RIMS1: variants seen among roughly 807,000 people sequenced by gnomAD.
The protein encoded by RIMS1 is regulating synaptic membrane exocytosis protein 1.
RIMS1 carries 83 observed loss-of-function variants against 214.1 expected under a neutral mutation model. That is an observed-to-expected ratio of 0.39 (90% CI 0.32 to 0.47). The LOEUF (loss-of-function observed/expected upper bound fraction) is 0.47, where lower values mean the gene tolerates loss of function less well. Ranked by LOEUF, RIMS1 falls within the 20% of genes least tolerant of loss-of-function variation. The pLI, the probability that RIMS1 is intolerant of heterozygous loss-of-function variation, is 0.99. For synonymous variants in RIMS1, 793 were observed against 786.8 expected, an observed-to-expected ratio of 1.01 and a Z score of -0.13; for missense variants, 2,050 against 2,161.8, an observed-to-expected ratio of 0.95 and a Z score of 1.03.
chr6:72,330,491 G>T (rs1331076333), intron 28 of RIMS1, among the ~76,000 whole-genome samples: 1 of 151,592 alleles, frequency 6.6e-6, no homozygotes, highest in Non-Finnish European at 1.5e-5. Context: ...TATTCATTCA[G>T]CAATGGGAAG....
In RIMS1 at chr6:72,159,794, C is replaced by T. The variant is rs1264160753; in HGVS notation, c.472-19781C>T. ...ACCATGCTGTTTTGGTTATTGTAGC[C>T]TTGAAGTATAGTTTGAAGTCAGGTA... On this transcript the variant is annotated intron_variant, in intron 4 of 33. Coordinates refer to ENST00000521978, the MANE Select transcript of RIMS1 (RefSeq NM_014989.7). 3.1e-4 allele frequency among the ~76,000 whole-genome samples: 43 copies of T among 139,790 alleles called. 6 individuals are homozygous for T. In the Admixed American group the frequency reaches 3.1e-3, roughly 10 times the overall value. The allele number at this position is 139,790 out of a possible 152,430, so 91.7% of individuals were successfully genotyped here. A position where few individuals can be genotyped will look rare whatever the true frequency, so the allele number is the denominator to read the frequency against.
intron 24 of RIMS1, among the ~76,000 whole-genome samples, chr6:72,289,577 C>A (rs952669077): frequency 3.9e-5 from 6 of 152,108 alleles, no homozygotes; most frequent in Non-Finnish European, 8.8e-5. Context: ...TTATCTTCAA[C>A]CTGACATTTT....
intron 4 of RIMS1, among the ~76,000 whole-genome samples, chr6:72,144,327 T>G (rs2042434988): frequency 1.3e-5 from 2 of 152,220 alleles, no homozygotes; most frequent in Non-Finnish European, 2.9e-5. Context: ...TAACATCTAC[T>G]TAACTTCTTG....
chr6:72,166,003 A>G (rs2153944176), intron 4 of RIMS1, among the ~76,000 whole-genome samples: 1 of 152,322 alleles, frequency 6.6e-6, no homozygotes, highest in East Asian at 1.9e-4. Flanking sequence ...CCATAACAAA[A>G]TACCATAAGC....
chr6:71,898,283 T>G (rs1329200904), intron 1 of RIMS1, among the ~76,000 whole-genome samples: 1 of 152,174 alleles, frequency 6.6e-6, no homozygotes, highest in African/African-American at 2.4e-5. Flanking sequence ...GATTTGATAT[T>G]TAGAATTAGA....
Position 72,402,669 on chromosome 6 carries a change from A to G in RIMS1, c.*1955A>G, listed in dbSNP as rs1335008079. 1 of 152,674 alleles carries G rather than the reference A, an allele frequency of 6.5e-6. No homozygotes were observed. The highest frequency in any genetic ancestry group is 1.5e-5 in the Non-Finnish European group (1 of 68,052). The allele number at this position is 152,674 out of a possible 1,614,324, so 9.5% of individuals were successfully genotyped here. A position where few individuals can be genotyped will look rare whatever the true frequency, so the allele number is the denominator to read the frequency against. On this transcript the variant is annotated 3_prime_UTR_variant, in exon 34 of 34. Coordinates refer to ENST00000521978, the MANE Select transcript of RIMS1 (RefSeq NM_014989.7). ...CTTCTACTAGATTCCGTTCTGTCTT[A>G]GTGGCCAACAATCAACTGATTATAA...
chr6:72,173,464 ATCTC>A (rs760110931), intron 4 of RIMS1, among the ~76,000 whole-genome samples: 3 of 149,762 alleles, frequency 2.0e-5, no homozygotes, highest in Non-Finnish European at 4.5e-5. Flanking sequence ...CATGTGTTTT[ATCTC>A]TCTAACGTTT....
At chr6:72,289,085 A>T (rs1268771605) in intron 24 of RIMS1, among the ~76,000 whole-genome samples, 2 of 152,110 alleles carry the variant, frequency 1.3e-5, no homozygotes, top group Admixed American at 1.3e-4. Context: ...GTTCACCGAA[A>T]TTTTTTACAT....
intron 2 of RIMS1, among the ~76,000 whole-genome samples, chr6:71,994,136 C>T (rs1802697021): frequency 1.3e-5 from 2 of 152,094 alleles, no homozygotes; most frequent in Non-Finnish European, 2.9e-5. Context: ...GGGAATTCCC[C>T]TAGCTACTTT....
chr6:72,256,607 T>C (rs1353249249), intron 16 of RIMS1, among the ~76,000 whole-genome samples: 2 of 152,036 alleles, frequency 1.3e-5, no homozygotes, highest in African/African-American at 2.4e-5. Context: ...TCCATAATTA[T>C]TGTGTAATTG....
At chr6:72,020,298 C>A (rs1186765286) in intron 2 of RIMS1, among the ~76,000 whole-genome samples, 2 of 152,128 alleles carry the variant, frequency 1.3e-5, no homozygotes, top group Non-Finnish European at 1.5e-5. Flanking sequence ...TTGCAAAATC[C>A]TTTTCAAATA....
At chr6:72,274,079 G>T (rs996427724) in intron 22 of RIMS1, among the ~76,000 whole-genome samples, 1 of 152,032 alleles carries the variant, frequency 6.6e-6, no homozygotes, top group African/African-American at 2.4e-5. Flanking sequence ...CATTTTGGAA[G>T]AAAAAAACTA....
chr6:72,362,133 A>G (rs1211745522), intron 29 of RIMS1, among the ~76,000 whole-genome samples: 1 of 152,150 alleles, frequency 6.6e-6, no homozygotes, highest in Non-Finnish European at 1.5e-5. Context: ...GAGTTGTACT[A>G]TATACACTGA....
At chr6:72,388,604 G>A (rs1001192989) in intron 29 of RIMS1, among the ~76,000 whole-genome samples, 1 of 152,196 alleles carries the variant, frequency 6.6e-6, no homozygotes, top group South Asian at 2.1e-4. Context: ...AGCTGTACGG[G>A]TATGGCACTG....
At chr6:72,266,172 A>G in intron 22 of RIMS1, 123 bp downstream of exon 22, 1 of 743,930 alleles carries the variant, frequency 1.3e-6, no homozygotes, top group Admixed American at 2.0e-5. Flanking sequence ...CTAACTGTCT[A>G]CATTTCCCCT....
In RIMS1 at chr6:72,398,413, T is replaced by A; in HGVS notation, c.4720+63T>A. On this transcript the variant is annotated intron_variant, in intron 32 of 33. Transcript: ENST00000521978. ...TTTAATAGGCAAACAAATAAAAACA[T>A]TTGCTGCATTTGAATTTCATATGCT... is the stretch of plus-strand genomic sequence containing the variant. 3.3e-6 allele frequency: 3 copies of A among 920,174 alleles called. No homozygotes were observed. The South Asian group carries it at 5.2e-5, about 16-fold the overall frequency. 57.0% of individuals were successfully genotyped at this position (920,174 alleles called of 1,614,324 possible).
At chr6:72,396,512 ACT>A (rs1241469697) in intron 31 of RIMS1, among the ~76,000 whole-genome samples, 1 of 152,150 alleles carries the variant, frequency 6.6e-6, no homozygotes, top group Non-Finnish European at 1.5e-5. Context: ...TCCTCAAGAA[ACT>A]CTTTGCAGCA....
At chr6:72,338,323 G>A (rs1325856733) in intron 29 of RIMS1, among the ~76,000 whole-genome samples, 3 of 152,006 alleles carry the variant, frequency 2.0e-5, no homozygotes, top group Non-Finnish European at 4.4e-5. Flanking sequence ...GTTTTGATTT[G>A]CATTTCTCTG....
chr6:71,968,426 C>CAA (rs1795013417), intron 1 of RIMS1, among the ~76,000 whole-genome samples: 1 of 152,086 alleles, frequency 6.6e-6, no homozygotes, highest in South Asian at 2.1e-4. Flanking sequence ...CACACACACA[C>CAA]TCTTTATATA....
Sources: gnomAD v4.1 joint callset for allele counts (sites outside exome capture counted in the v4.1 genomes callset) on GRCh38, gnomAD v4.1.1 for gene constraint, MANE v1.5 for transcripts, NCBI Gene and HGNC (gene_info 2026-07-23, HGNC 2026-07-21) for gene names.